CHRNA7: variants seen among roughly 807,000 people sequenced by gnomAD.
CHRNA7 encodes the protein neuronal acetylcholine receptor subunit alpha-7.
CHRNA7 carries 17 observed loss-of-function variants against 48.0 expected under a neutral mutation model. That is an observed-to-expected ratio of 0.35 (90% CI 0.24 to 0.53). The LOEUF (loss-of-function observed/expected upper bound fraction) is 0.53. CHRNA7 is among the 20% of genes least tolerant of loss of function. The pLI, the probability that CHRNA7 is intolerant of heterozygous loss-of-function variation, is 0.92. For synonymous variants in CHRNA7, 75 were observed against 242.3 expected (o/e 0.31, Z 6.41); for missense variants, 155 against 577.7 (o/e 0.27, Z 7.50).
At chr15:32,087,120 T>C (rs530682178) in intron 2 of CHRNA7, among the ~76,000 whole-genome samples, 1 of 152,320 alleles carries the variant, frequency 6.6e-6, no homozygotes, top group South Asian at 2.1e-4. Flanking sequence ...TTCTTCTTCA[T>C]GGAGAGTTTG....
At chr15:32,036,144 G>GA (rs1349689291) in intron 2 of CHRNA7, among the ~76,000 whole-genome samples, 6 of 152,122 alleles carry the variant, frequency 3.9e-5, no homozygotes, top group African/African-American at 1.4e-4. Flanking sequence ...CTCCATAGTT[G>GA]AACCCTTTCC....
intron 4 of CHRNA7, among the ~76,000 whole-genome samples, chr15:32,135,770 T>C (rs984701500): frequency 6.6e-6 from 1 of 152,064 alleles, no homozygotes; most frequent in South Asian, 2.1e-4. Flanking sequence ...CAAGACATAT[T>C]GTGCAAAAAA....
chr15:32,145,829 A>G (rs2051476391), intron 4 of CHRNA7, among the ~76,000 whole-genome samples: 1 of 152,208 alleles, frequency 6.6e-6, no homozygotes, highest in African/African-American at 2.4e-5. Context: ...AGTCTGTCAC[A>G]GCTTCCCTTG....
intron 2 of CHRNA7, among the ~76,000 whole-genome samples, chr15:32,071,705 C>T (rs72713563): frequency 0.016 from 2,424 of 152,204 alleles, 28 homozygotes; most frequent in Non-Finnish European, 0.024. Flanking sequence ...TCTTTCACCA[C>T]GTGACACACC....
intron 4 of CHRNA7, among the ~76,000 whole-genome samples, chr15:32,113,659 C>T (rs1173547695): frequency 6.6e-6 from 1 of 152,112 alleles, no homozygotes; most frequent in Admixed American, 6.5e-5. Flanking sequence ...GAAAAGAGCA[C>T]ACATTCCGTA....
At chr15:32,139,923 G>A (rs1409061094) in intron 4 of CHRNA7, among the ~76,000 whole-genome samples, 7 of 151,954 alleles carry the variant, frequency 4.6e-5, no homozygotes, top group Non-Finnish European at 1.0e-4. Context: ...AAATGTATAA[G>A]CCTTTTTTAT....
At chr15:32,054,556 C>T (rs2049751973) in intron 2 of CHRNA7, among the ~76,000 whole-genome samples, 2 of 152,172 alleles carry the variant, frequency 1.3e-5, no homozygotes, top group Non-Finnish European at 2.9e-5. Flanking sequence ...CTGTCACCAC[C>T]CAATACAGAC....
chr15:32,111,570 T>G, intron 3 of CHRNA7: 1 of 494,212 alleles, frequency 2.0e-6, no homozygotes, highest in Non-Finnish European at 3.6e-6. Context: ...TCTGAATGTG[T>G]TCATGGTGAC....
intron 2 of CHRNA7, among the ~76,000 whole-genome samples, chr15:32,049,125 G>C (rs534968222): frequency 6.6e-5 from 10 of 151,570 alleles, no homozygotes; most frequent in Non-Finnish European, 1.3e-4. Context: ...ATATTCTGTT[G>C]ATTTGGGGTG....
rs151055757 is a variant in CHRNA7 at position 32,085,384 on chromosome 15, T to C, written c.196-15919T>C. Among the ~76,000 whole-genome samples, 25 of 152,362 alleles carry C rather than the reference T, an allele frequency of 1.6e-4. 2 individuals are homozygous for C. In the East Asian group the frequency reaches 4.6e-3, roughly 28 times the overall value. The stretch of plus-strand genomic sequence containing the variant: ...TCTCTGCTACTTTATATATTTTCTG[T>C]ATCTTTATCCTTATGCATACAAAGA... On this transcript the variant is annotated intron_variant, in intron 2 of 9. Transcript: ENST00000306901.
At chr15:32,114,019 A>AATATATATATATATATATATATGT (rs2050807239) in intron 4 of CHRNA7, among the ~76,000 whole-genome samples, 3 of 109,164 alleles carry the variant, frequency 2.7e-5, no homozygotes, top group East Asian at 2.5e-4. Context: ...GCTATCTCCA[A>AATATATATATATATATATATATGT]ATATATATAT....
At chr15:32,119,564 G>A (rs2050931190) in intron 4 of CHRNA7, among the ~76,000 whole-genome samples, 2 of 152,164 alleles carry the variant, frequency 1.3e-5, no homozygotes, top group Non-Finnish European at 2.9e-5. Context: ...GGCTTTGACT[G>A]TGAGACAGGA....
At chr15:32,153,342 A>T (rs1187434758) in intron 4 of CHRNA7, 1 of 149,878 alleles carries the variant, frequency 6.7e-6, no homozygotes, top group Admixed American at 6.7e-5. Flanking sequence ...GGATGACATG[A>T]ACCCAGGAGG....
At chr15:32,054,533 G>A (rs1280878448) in intron 2 of CHRNA7, among the ~76,000 whole-genome samples, 1 of 152,170 alleles carries the variant, frequency 6.6e-6, no homozygotes, top group Non-Finnish European at 1.5e-5. Flanking sequence ...ACCACAAAGT[G>A]AACCCCGTTA....
chr15:32,048,153 T>C (rs1328485074), intron 2 of CHRNA7, among the ~76,000 whole-genome samples: 5 of 152,178 alleles, frequency 3.3e-5, no homozygotes, highest in African/African-American at 2.4e-5. Context: ...GTGTCTCTGC[T>C]CAGCTTTGGT....
intron 4 of CHRNA7, among the ~76,000 whole-genome samples, chr15:32,139,329 T>C (rs1019126742): frequency 6.6e-6 from 1 of 152,258 alleles, no homozygotes; most frequent in African/African-American, 2.4e-5. Flanking sequence ...AACATATGTA[T>C]GTAGGTTTCT....
chr15:32,030,555 A>T lies in CHRNA7; in HGVS notation c.-40A>T. 6.9e-7 allele frequency: 1 copy of T among 1,453,416 alleles called. No homozygotes were observed. Among genetic ancestry groups the T allele is most frequent in the Non-Finnish European group, 9.0e-7 (1 of 1,108,674 alleles). 90.0% of individuals were successfully genotyped at this position (1,453,416 alleles called of 1,614,324 possible). A position where few individuals can be genotyped will look rare whatever the true frequency, so the allele number is the denominator to read the frequency against. On this transcript the variant is annotated 5_prime_UTR_variant, in exon 1 of 10. Transcript: ENST00000306901. Reference sequence around the variant, plus strand: ...GGCGCAGGCCCGGGCGACAGCCGAGACGTGGAGCGCGCCGGCTCGCTGCAG... The same window carrying T: ...GGCGCAGGCCCGGGCGACAGCCGAGTCGTGGAGCGCGCCGGCTCGCTGCAG...
At chr15:32,103,796 A>G (rs1034270744) in intron 3 of CHRNA7, among the ~76,000 whole-genome samples, 1 of 152,166 alleles carries the variant, frequency 6.6e-6, no homozygotes, top group Non-Finnish European at 1.5e-5. Flanking sequence ...TTTCATTTGG[A>G]TAAATGTTAA....
intron 2 of CHRNA7, among the ~76,000 whole-genome samples, chr15:32,070,673 T>C (rs1251412201): frequency 1.1e-4 from 3 of 27,028 alleles, no homozygotes; most frequent in Non-Finnish European, 1.7e-4. Context: ...TAGTTCCTTT[T>C]TTTTTTTTTT....
Sources: gnomAD v4.1 joint callset for allele counts (sites outside exome capture counted in the v4.1 genomes callset) on GRCh38, gnomAD v4.1.1 for gene constraint, MANE v1.5 for transcripts, NCBI Gene and HGNC (gene_info 2026-07-23, HGNC 2026-07-21) for gene names.